The following MITF variants were observed in gnomAD, a reference collection of about 807,000 sequenced individuals.
MITF encodes the protein microphthalmia-associated transcription factor.
Under a neutral mutation model 60.5 loss-of-function variants are expected in MITF, and 17 were observed. The ratio of observed to expected loss-of-function variants is 0.28; its 90% CI spans 0.19 to 0.42. MITF has a LOEUF of 0.42. MITF is among the 10% of genes least tolerant of loss of function. MITF has a pLI of 1.00. For missense variants in MITF, 622 were observed against 683.5 expected (o/e 0.91, Z 1.00); for synonymous variants, 260 against 248.5 (o/e 1.05, Z -0.43).
intron 2 of MITF, among the ~76,000 whole-genome samples, chr3:69,913,231 A>G (rs1379722921): frequency 6.6e-6 from 1 of 152,140 alleles, no homozygotes; most frequent in Non-Finnish European, 1.5e-5. Flanking sequence ...AAGAGTAGAG[A>G]TAAGAGAGAG....
At chr3:69,756,257 G>T (rs1348474851) in intron 1 of MITF, among the ~76,000 whole-genome samples, 1 of 152,056 alleles carries the variant, frequency 6.6e-6, no homozygotes, top group Admixed American at 6.6e-5. Context: ...TGCATTAGGT[G>T]TTTGTCCTAA....
At position 69,756,127 on chromosome 3, in the gene MITF, GT is replaced by G. The variant is rs574536504; in HGVS notation, c.104+16437del. Among the ~76,000 whole-genome samples the G allele has an allele frequency of 4.7e-3, 699 of 147,884 alleles. 20 individuals are homozygous for G. The highest frequency in any genetic ancestry group is 0.039 in the Admixed American group (573 of 14,836). The stretch of plus-strand genomic sequence containing the variant: ...CAAATCCTTGGGGTATATGTGGCAA[GT>G]TTTTTTTTTTAAGTTCTAGGATACA... On this transcript the variant is annotated intron_variant, in intron 1 of 9. Transcript: ENST00000352241.
rs1237721402 is a variant in MITF at position 69,782,202 on chromosome 3, T to C, written c.104+42501T>C. Among the ~76,000 whole-genome samples, 11 of 152,336 alleles carry C rather than the reference T, an allele frequency of 7.2e-5. No individual in the cohort carries two copies. In the East Asian group the frequency reaches 2.1e-3, roughly 29 times the overall value. On this transcript the variant is annotated intron_variant, in intron 1 of 9. Transcript: ENST00000352241. Reference sequence around the variant, plus strand: ...CTGCTATAATAATTTAGAGAGGTTGTTGTACAGCTGACTTTTTAAATAAGG... The same window carrying C: ...CTGCTATAATAATTTAGAGAGGTTGCTGTACAGCTGACTTTTTAAATAAGG...
intron 1 of MITF, among the ~76,000 whole-genome samples, chr3:69,836,111 A>T (rs1400944307): frequency 6.6e-6 from 1 of 152,114 alleles, no homozygotes; most frequent in Non-Finnish European, 1.5e-5. Context: ...TGGACATGGA[A>T]TATCTTTTCA....
chr3:69,958,944 A>G lies in MITF; in HGVS notation c.1032-329A>G, dbSNP rs2066468400. Among the ~76,000 whole-genome samples, 3 of 128,698 alleles carry G rather than the reference A, an allele frequency of 2.3e-5. No individual in the cohort carries two copies. The Admixed American group carries it at 2.9e-4, about 13-fold the overall frequency. 84.4% of individuals were successfully genotyped at this position (128,698 alleles called of 152,430 possible). A position where few individuals can be genotyped will look rare whatever the true frequency, so the allele number is the denominator to read the frequency against. ...TGGCAGCTATAATTAATGTATGATT[A>G]TTTTATTTTTAAAATTGAATGCTTT... is the stretch of plus-strand genomic sequence containing the variant. On this transcript the variant is annotated intron_variant, in intron 8 of 9. Coordinates refer to ENST00000352241, the MANE Select transcript of MITF (RefSeq NM_001354604.2).
intron 1 of MITF, among the ~76,000 whole-genome samples, chr3:69,825,515 G>C (rs767310543): frequency 9.9e-5 from 15 of 152,086 alleles, no homozygotes; most frequent in Non-Finnish European, 1.6e-4. Context: ...CAGTTTCTGG[G>C]GATTGTCTGC....
intron 1 of MITF, among the ~76,000 whole-genome samples, chr3:69,840,345 A>T (rs1354680680): frequency 6.6e-6 from 1 of 152,182 alleles, no homozygotes; most frequent in Non-Finnish European, 1.5e-5. Context: ...GGAACACTTA[A>T]TCCATCGTGT....
intron 1 of MITF, among the ~76,000 whole-genome samples, chr3:69,768,270 T>C (rs191803624): frequency 6.6e-6 from 1 of 152,174 alleles, no homozygotes; most frequent in African/African-American, 2.4e-5. Flanking sequence ...TAAAGTTAGA[T>C]AAGAAGATAA....
At chr3:69,827,531 C>T (rs1425167225) in intron 1 of MITF, among the ~76,000 whole-genome samples, 7 of 152,120 alleles carry the variant, frequency 4.6e-5, no homozygotes, top group Non-Finnish European at 1.0e-4. Context: ...GCATATGTCA[C>T]TTGTACTCAC....
intron 4 of MITF, 51 bp from the exon 5 acceptor site, chr3:69,941,185 T>A (rs1303407262): frequency 8.2e-7 from 1 of 1,219,876 alleles, no homozygotes; most frequent in Non-Finnish European, 1.2e-6. Flanking sequence ...TTAGGTTGTG[T>A]TGCATAGTTT....
chr3:69,820,761 G>A (rs1174830267), intron 1 of MITF, among the ~76,000 whole-genome samples: 1 of 152,134 alleles, frequency 6.6e-6, no homozygotes, highest in East Asian at 1.9e-4. Flanking sequence ...ATGCTGGCCT[G>A]CCCAACACTC....
At chr3:69,901,669 C>T in intron 2 of MITF, among the ~76,000 whole-genome samples, 1 of 152,164 alleles carries the variant, frequency 6.6e-6, no homozygotes, top group East Asian at 1.9e-4. Flanking sequence ...CTCCACAGTT[C>T]TGCATAGATT....
chr3:69,952,825 A>G (rs919199942), intron 7 of MITF, among the ~76,000 whole-genome samples: 2 of 152,170 alleles, frequency 1.3e-5, no homozygotes, highest in Non-Finnish European at 2.9e-5. Context: ...ACTAAGCAGC[A>G]TGTTTTGAAG....
At chr3:69,813,865 C>T (rs999403336) in intron 1 of MITF, among the ~76,000 whole-genome samples, 9 of 152,094 alleles carry the variant, frequency 5.9e-5, no homozygotes, top group African/African-American at 1.9e-4. Context: ...TGAAAGATTG[C>T]GAATCCATTA....
In MITF at chr3:69,766,233, C is replaced by CT. The variant is rs891380091; in HGVS notation, c.104+26542dup. 9.2e-4 allele frequency among the ~76,000 whole-genome samples: 136 copies of CT among 147,834 alleles called. 1 individual carries two copies. The highest frequency in any genetic ancestry group is 1.3e-3 in the South Asian group (6 of 4,652). On this transcript the variant is annotated intron_variant, in intron 1 of 9. Coordinates refer to ENST00000352241, the MANE Select transcript of MITF (RefSeq NM_001354604.2). ...ATTTTATCTTTCTTTTCTTTTCTTT[C>CT]TTTTTTTTTTGAGATGGAGTCTCTT...
chr3:69,826,263 C>G (rs2063352687), intron 1 of MITF, among the ~76,000 whole-genome samples: 1 of 152,140 alleles, frequency 6.6e-6, no homozygotes, highest in South Asian at 2.1e-4. Flanking sequence ...TTAATTTTGC[C>G]TGTCTTGTCC....
At chr3:69,958,702 C>T (rs2066461886) in intron 8 of MITF, among the ~76,000 whole-genome samples, 2 of 152,066 alleles carry the variant, frequency 1.3e-5, no homozygotes, top group Non-Finnish European at 2.9e-5. Flanking sequence ...ACCTATAACT[C>T]TTTAACATAG....
intron 1 of MITF, among the ~76,000 whole-genome samples, chr3:69,853,822 A>G (rs941378058): frequency 1.4e-5 from 2 of 148,146 alleles, no homozygotes; most frequent in African/African-American, 5.0e-5. Flanking sequence ...GTAGTGATGC[A>G]TTGTGTTAAT....
chr3:69,762,755 C>T (rs1438853958), intron 1 of MITF: 1 of 223,102 alleles, frequency 4.5e-6, no homozygotes. Flanking sequence ...GAATCCTCAT[C>T]TCTCCATGAG....
Sources: allele counts gnomAD v4.1 joint callset (sites outside exome capture counted in the v4.1 genomes callset), GRCh38; gene constraint gnomAD v4.1.1; transcripts MANE v1.5; gene names NCBI Gene and HGNC (gene_info 2026-07-23, HGNC 2026-07-21).